Variants in CDH9 observed in about 807,000 individuals in gnomAD.
CDH9 encodes cadherin 9.
Under a neutral mutation model 70.9 loss-of-function variants are expected in CDH9, and 28 were observed. The observed-to-expected ratio is 0.40, with a 90% CI of 0.29 to 0.54. The LOEUF is 0.54. Among genes scored for constraint, CDH9 ranks in the 20% least tolerant of loss-of-function variants. CDH9 has a pLI of 0.59. For synonymous variants in CDH9, 409 were observed against 343.1 expected (o/e 1.19, Z -2.12); for missense variants, 874 against 984.4 (o/e 0.89, Z 1.50).
chr5:26,929,856 C>A (rs1007337581), intron 2 of CDH9, among the ~76,000 whole-genome samples: 3 of 150,914 alleles, frequency 2.0e-5, no homozygotes, highest in African/African-American at 7.3e-5. Flanking sequence ...AGTTTAGTAT[C>A]GAATGGGGAG....
intron 1 of CDH9, among the ~76,000 whole-genome samples, chr5:27,010,658 C>G (rs1254664082): frequency 1.3e-5 from 2 of 151,646 alleles, no homozygotes; most frequent in Non-Finnish European, 2.9e-5. Flanking sequence ...GTTACACCTT[C>G]GAGAAAAATT....
intron 2 of CDH9, among the ~76,000 whole-genome samples, chr5:26,935,466 A>G (rs1456908470): frequency 6.6e-6 from 1 of 152,142 alleles, no homozygotes; most frequent in Admixed American, 6.5e-5. Flanking sequence ...CACATATAAT[A>G]TGATTGTTCC....
rs1251732684 is a variant in CDH9 at position 26,915,934 on chromosome 5, G to A, written c.229-10C>T. 3 of 1,563,452 alleles carry A rather than the reference G, an allele frequency of 1.9e-6. No individual in the cohort carries two copies. The highest frequency in any genetic ancestry group is 1.9e-5 in the Admixed American group (1 of 52,296). ...CTTGGTCAGTGTGAAGCTTTAGAGAGGTAGAAAAGAAGAGTTCTGTAAATA... is the reference window on the plus strand; with the variant it reads ...CTTGGTCAGTGTGAAGCTTTAGAGAAGTAGAAAAGAAGAGTTCTGTAAATA... On this transcript the variant is annotated splice_polypyrimidine_tract_variant and intron_variant, in intron 2 of 11. Transcript: ENST00000231021.
intron 7 of CDH9, among the ~76,000 whole-genome samples, chr5:26,902,183 T>G (rs1218030414): frequency 6.6e-6 from 1 of 151,886 alleles, no homozygotes; most frequent in East Asian, 1.9e-4. Flanking sequence ...ACTTAAGTAC[T>G]TGGTGCCTCA....
intron 2 of CDH9, among the ~76,000 whole-genome samples, chr5:26,960,225 A>T (rs528634895): frequency 1.5e-3 from 230 of 152,142 alleles, no homozygotes; most frequent in African/African-American, 4.0e-3. Flanking sequence ...GGACACTGAA[A>T]TATAAAGAAA....
chr5:27,037,024 A>G (rs1313842703), intron 1 of CDH9, among the ~76,000 whole-genome samples: 2 of 151,990 alleles, frequency 1.3e-5, no homozygotes, highest in Non-Finnish European at 2.9e-5. Context: ...CAATGGACAC[A>G]CATTGCCTAG....
At chr5:27,008,489 C>CAAA (rs58699887) in intron 1 of CDH9, among the ~76,000 whole-genome samples, 2 of 147,052 alleles carry the variant, frequency 1.4e-5, no homozygotes, top group African/African-American at 5.0e-5. Context: ...GACCCTCTTT[C>CAAA]AAAAAAAAAA....
chr5:26,915,553 A>AT lies in CDH9; in HGVS notation c.523+76dup, dbSNP rs1579681373. 3 of 849,818 alleles carry AT rather than the reference A, an allele frequency of 3.5e-6. No homozygotes were observed. The East Asian group carries it at 7.3e-5, about 21-fold the overall frequency. 52.6% of individuals were successfully genotyped at this position (849,818 alleles called of 1,614,324 possible). A position where few individuals can be genotyped will look rare whatever the true frequency, so the allele number is the denominator to read the frequency against. ...CTTATTCTGAAAGAGGCCACATATC[A>AT]TAACCACAAGTCAATAATAATTACC... is the stretch of plus-strand genomic sequence containing the variant. On this transcript the variant is annotated intron_variant, in intron 3 of 11. Transcript: ENST00000231021.
intron 2 of CDH9, among the ~76,000 whole-genome samples, chr5:26,957,658 CAA>C (rs373896726): frequency 7.0e-6 from 1 of 143,772 alleles, no homozygotes; most frequent in Non-Finnish European, 1.5e-5. Flanking sequence ...GAGACGGTCT[CAA>C]AAAAAAAAAT....
intron 2 of CDH9, among the ~76,000 whole-genome samples, chr5:26,957,638 G>A (rs1741968776): frequency 6.6e-6 from 1 of 152,118 alleles, no homozygotes; most frequent in South Asian, 2.1e-4. Flanking sequence ...CTCCAGCCTG[G>A]GGAACAGAAG....
At chr5:26,989,728 A>G (rs372232028) in intron 1 of CDH9, among the ~76,000 whole-genome samples, 1 of 152,132 alleles carries the variant, frequency 6.6e-6, no homozygotes, top group African/African-American at 2.4e-5. Context: ...CAGAAACCCA[A>G]TGTTGGACCA....
At chr5:26,942,580 T>C (rs982396) in intron 2 of CDH9, among the ~76,000 whole-genome samples, 121,243 of 152,086 alleles carry the variant, frequency 0.8, 51,102 homozygotes, top group East Asian at 0.99. Flanking sequence ...GTGCTTATTC[T>C]CAGGATGCAC....
intron 2 of CDH9, among the ~76,000 whole-genome samples, chr5:26,953,505 T>G (rs6452370): frequency 0.18 from 27,490 of 152,144 alleles, 4,420 homozygotes; most frequent in African/African-American, 0.43. Context: ...GACAACCATG[T>G]GTAATGGCTC....
intron 1 of CDH9, among the ~76,000 whole-genome samples, chr5:27,017,302 T>C (rs563628834): frequency 1.3e-5 from 2 of 152,038 alleles, no homozygotes; most frequent in African/African-American, 4.8e-5. Flanking sequence ...ACATCAAAAA[T>C]ATTATTGTTT....
chr5:26,987,091 C>CTTTGTTTTT (rs1742500311), intron 2 of CDH9, among the ~76,000 whole-genome samples: 1 of 108,284 alleles, frequency 9.2e-6, no homozygotes, highest in Non-Finnish European at 1.8e-5. Context: ...CACTTGTATT[C>CTTTGTTTTT]TTTTTTTTTT....
At chr5:27,026,385 G>A (rs1743222262) in intron 1 of CDH9, among the ~76,000 whole-genome samples, 1 of 151,880 alleles carries the variant, frequency 6.6e-6, no homozygotes, top group South Asian at 2.1e-4. Flanking sequence ...TACCCAAAAT[G>A]GTATGTGTCA....
At chr5:27,023,996 G>A (rs982598237) in intron 1 of CDH9, among the ~76,000 whole-genome samples, 3 of 151,890 alleles carry the variant, frequency 2.0e-5, no homozygotes, top group Non-Finnish European at 2.9e-5. Context: ...AGGTTGCAGT[G>A]AGCCCAGATT....
chr5:27,018,142 G>C (rs1027177656), intron 1 of CDH9, among the ~76,000 whole-genome samples: 2 of 151,640 alleles, frequency 1.3e-5, no homozygotes, highest in African/African-American at 4.8e-5. Flanking sequence ...TATTTGGATT[G>C]ACTTCTATAT....
chr5:26,883,032 A>T, intron 11 of CDH9, among the ~76,000 whole-genome samples: 1 of 120,622 alleles, frequency 8.3e-6, no homozygotes, highest in Admixed American at 9.3e-5. Flanking sequence ...AGCTATATTC[A>T]GGATCATCTT....
Sources: allele counts gnomAD v4.1 joint callset (sites outside exome capture counted in the v4.1 genomes callset), GRCh38; gene constraint gnomAD v4.1.1; transcripts MANE v1.5; gene names NCBI Gene and HGNC (gene_info 2026-07-23, HGNC 2026-07-21).